RYR3: variants seen among roughly 807,000 people sequenced by gnomAD.
The protein encoded by RYR3 is ryanodine receptor 3.
A neutral mutation model predicts 584.3 loss-of-function variants in RYR3; 207 were observed. The ratio of observed to expected loss-of-function variants is 0.35; its 90% CI spans 0.32 to 0.40. The LOEUF is 0.40. Ranked by LOEUF, RYR3 falls within the 10% of genes least tolerant of loss-of-function variation. The pLI is 1.00. For missense variants in RYR3, 5,616 were observed against 6,089.2 expected, an observed-to-expected ratio of 0.92 and a Z score of 2.59; for synonymous variants, 2,416 against 2,248.5, an observed-to-expected ratio of 1.07 and a Z score of -2.11.
At chr15:33,477,792 A>G (rs2248750) in intron 2 of RYR3, among the ~76,000 whole-genome samples, 68,659 of 123,060 alleles carry the variant, frequency 0.56, 20,076 homozygotes, top group African/African-American at 0.67. Context: ...GGAGAATGGC[A>G]TGAACCCGGG....
chr15:33,403,940 T>TAA (rs35011874), intron 1 of RYR3, among the ~76,000 whole-genome samples: 2 of 150,598 alleles, frequency 1.3e-5, no homozygotes, highest in South Asian at 4.2e-4. Flanking sequence ...AGAGGAGTGG[T>TAA]AAAAAAAAAA....
chr15:33,502,447 T>C (rs1388467386), intron 2 of RYR3, among the ~76,000 whole-genome samples: 2 of 152,168 alleles, frequency 1.3e-5, no homozygotes, highest in Non-Finnish European at 2.9e-5. Flanking sequence ...TGGCCCTCAT[T>C]CCTCATTCCT....
chr15:33,510,221 G>A (rs2052856436), intron 3 of RYR3, among the ~76,000 whole-genome samples: 1 of 152,144 alleles, frequency 6.6e-6, no homozygotes, highest in Non-Finnish European at 1.5e-5. Context: ...TCTTAATAAT[G>A]CCACCAACTG....
intron 102 of RYR3, among the ~76,000 whole-genome samples, chr15:33,862,261 C>A (rs551064665): frequency 6.6e-6 from 1 of 152,282 alleles, no homozygotes; most frequent in Admixed American, 6.5e-5. Context: ...TGCCCAGGCT[C>A]GAGTGCAGTG....
intron 12 of RYR3, among the ~76,000 whole-genome samples, chr15:33,579,634 A>G (rs911950271): frequency 6.6e-6 from 1 of 152,242 alleles, no homozygotes. Flanking sequence ...TTTAGATTAC[A>G]GGGAAATCAT....
At chr15:33,593,529 A>C (rs2059235264) in intron 16 of RYR3, among the ~76,000 whole-genome samples, 1 of 152,212 alleles carries the variant, frequency 6.6e-6, no homozygotes, top group Non-Finnish European at 1.5e-5. Flanking sequence ...GTAGGCAGGT[A>C]TGAAAGTGGC....
intron 1 of RYR3, among the ~76,000 whole-genome samples, chr15:33,472,328 C>T (rs528925130): frequency 2.0e-5 from 3 of 152,326 alleles, no homozygotes; most frequent in South Asian, 4.1e-4. Context: ...TTCTTCACTT[C>T]GTAGGCACAT....
At chr15:33,502,439 G>A (rs2052073883) in intron 2 of RYR3, among the ~76,000 whole-genome samples, 1 of 152,076 alleles carries the variant, frequency 6.6e-6, no homozygotes, top group Non-Finnish European at 1.5e-5. Flanking sequence ...GTAGTTTCTG[G>A]CCCTCATTCC....
intron 1 of RYR3, among the ~76,000 whole-genome samples, chr15:33,371,949 C>A (rs746129332): frequency 3.9e-5 from 6 of 152,214 alleles, no homozygotes; most frequent in Non-Finnish European, 8.8e-5. Flanking sequence ...GCATTTCAGC[C>A]AAGATGCAAA....
chr15:33,315,749 GAAAGGCCGCAT>G (rs2140475669), intron 1 of RYR3, among the ~76,000 whole-genome samples: 1 of 152,340 alleles, frequency 6.6e-6, no homozygotes, highest in African/African-American at 2.4e-5. Flanking sequence ...ACTTGAATCA[GAAAGGCCGCAT>G]CAGCAGTAGG....
intron 59 of RYR3, among the ~76,000 whole-genome samples, chr15:33,756,617 C>T (rs1241858377): frequency 6.6e-6 from 1 of 152,134 alleles, no homozygotes; most frequent in Non-Finnish European, 1.5e-5. Flanking sequence ...CCACCATCTC[C>T]GGAGGTGTGG....
chr15:33,817,656 C>CTA (rs1002509035), intron 75 of RYR3, among the ~76,000 whole-genome samples: 7 of 152,310 alleles, frequency 4.6e-5, no homozygotes, highest in African/African-American at 1.7e-4. Context: ...CTGTCACCCT[C>CTA]TGTTTCTTTC....
At chr15:33,656,972 A>G (rs1284378971) in intron 32 of RYR3, among the ~76,000 whole-genome samples, 1 of 152,146 alleles carries the variant, frequency 6.6e-6, no homozygotes, top group Non-Finnish European at 1.5e-5. Context: ...CATCTGCAGA[A>G]TGCCTTTTGC....
intron 53 of RYR3, among the ~76,000 whole-genome samples, chr15:33,746,790 TTC>T (rs2070756261): frequency 6.8e-6 from 1 of 147,828 alleles, no homozygotes; most frequent in Admixed American, 6.8e-5. Flanking sequence ...CAAAAATAAT[TTC>T]TTTCTTTCTT....
chr15:33,616,988 C>T (rs185753030), intron 19 of RYR3, among the ~76,000 whole-genome samples: 60 of 152,336 alleles, frequency 3.9e-4, no homozygotes, highest in African/African-American at 1.4e-3. Context: ...GTTATTCTTA[C>T]ATCAACTGGT....
intron 36 of RYR3, among the ~76,000 whole-genome samples, chr15:33,664,465 A>G (rs1294037214): frequency 6.6e-6 from 1 of 151,814 alleles, no homozygotes; most frequent in African/African-American, 2.4e-5. Context: ...TGGGTTGACC[A>G]CTGCTCCCTA....
chr15:33,501,904 G>A (rs2052023175), intron 2 of RYR3, among the ~76,000 whole-genome samples: 1 of 152,126 alleles, frequency 6.6e-6, no homozygotes, highest in South Asian at 2.1e-4. Context: ...AACAAAGGGA[G>A]CAACACAAAA....
intron 69 of RYR3, among the ~76,000 whole-genome samples, chr15:33,804,251 G>A (rs1325020409): frequency 2.0e-5 from 3 of 152,296 alleles, no homozygotes; most frequent in East Asian, 1.9e-4. Context: ...ATGGGATAGG[G>A]TCAAAATTAC....
At chr15:33,687,971 C>T (rs975394314) in intron 38 of RYR3, among the ~76,000 whole-genome samples, 1 of 152,144 alleles carries the variant, frequency 6.6e-6, no homozygotes, top group Non-Finnish European at 1.5e-5. Flanking sequence ...TAGAAGAAAA[C>T]CTAGGCAATA....
Sources: allele counts gnomAD v4.1 joint callset (sites outside exome capture counted in the v4.1 genomes callset), GRCh38; gene constraint gnomAD v4.1.1; transcripts MANE v1.5; gene names NCBI Gene and HGNC (gene_info 2026-07-23, HGNC 2026-07-21).